The following PLCH1 variants were observed in gnomAD, a reference collection of about 807,000 sequenced individuals.
PLCH1 encodes the protein phospholipase C eta 1.
PLCH1 carries 60 observed loss-of-function variants against 126.7 expected under a neutral mutation model. The observed-to-expected ratio is 0.47, with a 90% CI of 0.38 to 0.59. The LOEUF is 0.59. PLCH1 is among the 20% of genes least tolerant of loss of function. PLCH1 has a pLI of 0.00. For missense variants in PLCH1, 1,723 were observed against 2,040.0 expected (o/e 0.84, Z 2.99); for synonymous variants, 719 against 734.9 (o/e 0.98, Z 0.35).
At chr3:155,487,905 T>A (rs1715508531) in intron 21 of PLCH1, 123 bp downstream of exon 21, 1 of 639,004 alleles carries the variant, frequency 1.6e-6, no homozygotes, top group East Asian at 2.8e-5. Flanking sequence ...TTGCTGGGCC[T>A]CCTTAGAGTT....
chr3:155,713,795 T>A (rs945310513), intron 1 of PLCH1, among the ~76,000 whole-genome samples: 1 of 152,186 alleles, frequency 6.6e-6, no homozygotes. Context: ...GGGATGGCAG[T>A]GAATGAGATG....
chr3:155,531,047 G>C (rs113238948), intron 10 of PLCH1, among the ~76,000 whole-genome samples: 12,450 of 151,538 alleles, frequency 0.082, 692 homozygotes, highest in Non-Finnish European at 0.12. Flanking sequence ...CTCAATAGTG[G>C]GCTTAAAATA....
chr3:155,715,316 T>G (rs1296334176), intron 1 of PLCH1, among the ~76,000 whole-genome samples: 2 of 152,020 alleles, frequency 1.3e-5, no homozygotes, highest in African/African-American at 4.8e-5. Flanking sequence ...CTTTCTTTTT[T>G]TTTGAGACAG....
intron 2 of PLCH1, among the ~76,000 whole-genome samples, chr3:155,680,733 C>T (rs999235503): frequency 1.7e-4 from 26 of 152,134 alleles, no homozygotes; most frequent in African/African-American, 6.3e-4. Context: ...ATAAGGAAAT[C>T]ATCAGAAATA....
chr3:155,632,888 T>A (rs530548700), intron 2 of PLCH1, among the ~76,000 whole-genome samples: 48 of 152,296 alleles, frequency 3.2e-4, no homozygotes. Context: ...GCTATGCTGA[T>A]CTCCAAAGCC....
chr3:155,625,437 A>G lies in PLCH1; in HGVS notation c.80-29059T>C, dbSNP rs542239910. Among the ~76,000 whole-genome samples, 18 of 152,348 alleles carry G rather than the reference A, an allele frequency of 1.2e-4. No homozygotes were observed. The East Asian group carries it at 3.3e-3, about 28-fold the overall frequency. On this transcript the variant is annotated intron_variant, in intron 2 of 22. Coordinates refer to ENST00000460012, the MANE Select transcript of PLCH1 (RefSeq NM_014996.4). Reference sequence around the variant, plus strand: ...GAGCTTCTACACAGCAAAAGAAACTATCATCAGAATGAACAAGCAACCTAA... The same window carrying G: ...GAGCTTCTACACAGCAAAAGAAACTGTCATCAGAATGAACAAGCAACCTAA...
intron 1 of PLCH1, among the ~76,000 whole-genome samples, chr3:155,738,931 T>C (rs966007690): frequency 2.2e-5 from 3 of 134,852 alleles, no homozygotes; most frequent in Non-Finnish European, 4.6e-5. Context: ...GGAGACCCTG[T>C]CTCAAAAAAA....
intron 2 of PLCH1, among the ~76,000 whole-genome samples, chr3:155,699,169 A>C (rs570164733): frequency 1.3e-5 from 2 of 150,906 alleles, no homozygotes; most frequent in Non-Finnish European, 2.9e-5. Flanking sequence ...TCCACCTCCC[A>C]GGTTCAAACG....
chr3:155,487,897 G>A, intron 21 of PLCH1, 131 bp downstream of exon 21: 1 of 619,620 alleles, frequency 1.6e-6, no homozygotes. Context: ...GACTGGGCTT[G>A]CTGGGCCTCC....
At chr3:155,545,194 G>A (rs1199655259) in intron 10 of PLCH1, among the ~76,000 whole-genome samples, 7,625 of 97,246 alleles carry the variant, frequency 0.078, no homozygotes, top group African/African-American at 0.11. Flanking sequence ...AATAAAAAAT[G>A]ATAAAGGGGA....
intron 2 of PLCH1, among the ~76,000 whole-genome samples, chr3:155,656,167 C>A (rs1321880129): frequency 1.1e-5 from 1 of 88,714 alleles, no homozygotes; most frequent in Admixed American, 1.4e-4. Context: ...GAGAAAATTA[C>A]CCCCCCCCAA....
At position 155,561,145 on chromosome 3, in the gene PLCH1, A is replaced by G. The variant is rs563402051; in HGVS notation, c.1069+3770T>C. ...TTTTTAATTATTATTTCTTATTATT[A>G]TTATACTTTAAGTTTTAGGGTACAT... On this transcript the variant is annotated intron_variant, in intron 8 of 22. Coordinates refer to ENST00000460012, the MANE Select transcript of PLCH1 (RefSeq NM_014996.4). Among the ~76,000 whole-genome samples, 5 of 150,632 alleles carry G rather than the reference A, an allele frequency of 3.3e-5. No individual in the cohort carries two copies. In the South Asian group the frequency reaches 1.0e-3, roughly 31 times the overall value.
At chr3:155,627,433 A>C (rs1203317855) in intron 2 of PLCH1, among the ~76,000 whole-genome samples, 1 of 108,940 alleles carries the variant, frequency 9.2e-6, no homozygotes, top group African/African-American at 5.5e-5. Flanking sequence ...GATCGAGACC[A>C]TCCTGGCTAA....
intron 13 of PLCH1, among the ~76,000 whole-genome samples, chr3:155,501,844 A>G (rs1370113094): frequency 6.6e-6 from 1 of 152,152 alleles, no homozygotes; most frequent in Non-Finnish European, 1.5e-5. Flanking sequence ...CCACCCCAAT[A>G]ATTGCCGAAA....
rs562871289 is a variant in PLCH1, at chr3:155,571,020, A to G, written c.772-2696T>C. ...CTGGTCCTCACATTAAAGGACAACT[A>G]ATTTCAGATAAACAAGTTGTAGAAA... On this transcript the variant is annotated intron_variant, in intron 6 of 22. Coordinates refer to ENST00000460012, the MANE Select transcript of PLCH1 (RefSeq NM_014996.4). 1.6e-4 allele frequency among the ~76,000 whole-genome samples: 24 copies of G among 152,312 alleles called. No individual in the cohort carries two copies. In the South Asian group the frequency reaches 2.1e-3, roughly 13 times the overall value.
At chr3:155,537,269 A>C (rs1266008440) in intron 10 of PLCH1, among the ~76,000 whole-genome samples, 4 of 123,788 alleles carry the variant, frequency 3.2e-5, no homozygotes, top group Non-Finnish European at 5.4e-5. Context: ...AGAAAACCTC[A>C]AAATACACCG....
At chr3:155,544,584 AT>A (rs1244571307) in intron 10 of PLCH1, among the ~76,000 whole-genome samples, 1 of 152,134 alleles carries the variant, frequency 6.6e-6, no homozygotes, top group Non-Finnish European at 1.5e-5. Flanking sequence ...CAGAATATAA[AT>A]TTTTTTCAGC....
intron 2 of PLCH1, among the ~76,000 whole-genome samples, chr3:155,637,545 A>G (rs1738883312): frequency 6.6e-6 from 1 of 152,210 alleles, no homozygotes; most frequent in Non-Finnish European, 1.5e-5. Flanking sequence ...AAGTGGGAAA[A>G]TATTACCTAC....
At chr3:155,628,581 GCTT>G (rs1737647604) in intron 2 of PLCH1, among the ~76,000 whole-genome samples, 1 of 150,202 alleles carries the variant, frequency 6.7e-6, no homozygotes, top group Non-Finnish European at 1.5e-5. Context: ...TGGGGGAGGG[GCTT>G]CTTCATTCTT....
Sources: gnomAD v4.1 joint callset for allele counts (sites outside exome capture counted in the v4.1 genomes callset) on GRCh38, gnomAD v4.1.1 for gene constraint, MANE v1.5 for transcripts, NCBI Gene and HGNC (gene_info 2026-07-23, HGNC 2026-07-21) for gene names.